ZNF620: variants seen among roughly 807,000 people sequenced by gnomAD.
The protein encoded by ZNF620 is zinc finger protein 620.
A neutral mutation model predicts 13.3 loss-of-function variants in ZNF620; 10 were observed. The ratio of observed to expected loss-of-function variants is 0.75; its 90% CI spans 0.46 to 1.28. The LOEUF (loss-of-function observed/expected upper bound fraction) is 1.28, where lower values mean the gene tolerates loss of function less well. Among genes scored for constraint, ZNF620 ranks in the 50% most tolerant of loss-of-function variants. The pLI, the probability that ZNF620 is intolerant of heterozygous loss-of-function variation, is 0.00. For missense variants in ZNF620, 461 were observed against 500.2 expected (o/e 0.92, Z 0.75); for synonymous variants, 166 against 177.6 (o/e 0.93, Z 0.52).
In ZNF620 at chr3:40,512,512, C is replaced by G; in HGVS notation, c.262C>G (p.Pro88Ala). Residue 88 changes from proline to alanine, a missense_variant, in exon 4 of 5, where the codon CCA (proline) becomes GCA (alanine). Physicochemically the swap from Pro to Ala is conservative, Grantham distance 27. Transcript: ENST00000314529. ...CAGGGAGGCTCTCAGAGGTATCTGT[C>G]CAGGTGAGCATGAGAACCCACTAGC... ...MGREALRGIC[P>A]GDEARTEKEG... 3 of 1,598,350 alleles carry G rather than the reference C, an allele frequency of 1.9e-6. No homozygotes were observed. The highest frequency in any genetic ancestry group is 1.1e-5 in the South Asian group (1 of 88,250).
intron 4 of ZNF620, among the ~76,000 whole-genome samples, chr3:40,513,316 A>AAAAAAAAATATATATAT (rs1193351404): frequency 1.6e-5 from 1 of 62,678 alleles, no homozygotes; most frequent in African/African-American, 8.6e-5. Flanking sequence ...AAAAAAAAAA[A>AAAAAAAAATATATATAT]ATATATATAT....
chr3:40,516,226 T>A lies in ZNF620; in HGVS notation c.632T>A (p.Phe211Tyr). ...AGATATTTCATTCAAATGGCAGACT[T>A]CCACCGACATGAGAAATGTCACACT... is the stretch of plus-strand genomic sequence containing the variant. ...CGRYFIQMADFHRHEKCHTGE... is the reference protein window; with the variant it reads ...CGRYFIQMADYHRHEKCHTGE... Residue 211 changes from phenylalanine (F) to tyrosine (Y), a missense_variant, in exon 5 of 5, where the codon TTC becomes TAC. By Grantham distance (22) the Phe-to-Tyr change is conservative. Coordinates refer to ENST00000314529, the MANE Select transcript of ZNF620 (RefSeq NM_175888.4). 1 of 1,614,094 alleles carries A rather than the reference T, an allele frequency of 6.2e-7. No individual in the cohort carries two copies. The highest frequency in any genetic ancestry group is 8.5e-7 in the Non-Finnish European group (1 of 1,180,048).
At position 40,513,316 on chromosome 3, in the gene ZNF620, A is replaced by AATAT. The variant is rs71618944; in HGVS notation, c.265+836_265+839dup. On this transcript the variant is annotated intron_variant, in intron 4 of 4. Transcript: ENST00000314529. ...CCCGTCTCAACTAAAAAAAAAAAAAAATATATATATATATATATATATATA... is the reference window on the plus strand; with the variant it reads ...CCCGTCTCAACTAAAAAAAAAAAAAAATATATATATATATATATATATATATATA... 3.6e-3 allele frequency among the ~76,000 whole-genome samples: 222 copies of AATAT among 62,510 alleles called. 2 individuals are homozygous for AATAT. Among genetic ancestry groups the AATAT allele is most frequent in the African/African-American group, 6.8e-3 (79 of 11,638 alleles). The allele number at this position is 62,510 out of a possible 152,430, so 41.0% of individuals were successfully genotyped here. A position where few individuals can be genotyped will look rare whatever the true frequency, so the allele number is the denominator to read the frequency against.
intron 2 of ZNF620, chr3:40,508,865 G>A (rs747548590): frequency 4.3e-5 from 19 of 446,954 alleles, no homozygotes; most frequent in Non-Finnish European, 6.3e-5. Context: ...CCATCCTCCC[G>A]CCTCCACCTC....
intron 4 of ZNF620, among the ~76,000 whole-genome samples, chr3:40,513,347 A>C (rs989486045): frequency 1.5e-5 from 2 of 136,440 alleles, no homozygotes; most frequent in Non-Finnish European, 3.1e-5. Flanking sequence ...ATATATATAT[A>C]TATATATGGC....
chr3:40,515,978 C>T lies in ZNF620; in HGVS notation c.384C>T (p.Asp128=). Residue 128 remains aspartate, a synonymous_variant, in exon 5 of 5, where the codon GAC becomes GAT. Coordinates refer to ENST00000314529, the MANE Select transcript of ZNF620 (RefSeq NM_175888.4). ...GLPGNVSQHL[D]FGSSLEQPQG... ...CAGGGAATGTTTCCCAGCACCTTGACTTTGGGAGCAGCCTAGAGCAGCCAC... is the reference window on the plus strand; with the variant it reads ...CAGGGAATGTTTCCCAGCACCTTGATTTTGGGAGCAGCCTAGAGCAGCCAC... 6.2e-7 allele frequency: 1 copy of T among 1,614,170 alleles called. No homozygotes were observed. The highest frequency in any genetic ancestry group is 8.5e-7 in the Non-Finnish European group (1 of 1,180,046).
intron 4 of ZNF620, among the ~76,000 whole-genome samples, chr3:40,512,915 T>C (rs1238527050): frequency 1.3e-5 from 2 of 152,294 alleles, no homozygotes; most frequent in African/African-American, 4.8e-5. Flanking sequence ...TGGCTGGCCA[T>C]CTGCATATCA....
chr3:40,512,297 C>T, intron 3 of ZNF620, 105 bp from the exon 4 acceptor site: 1 of 940,152 alleles, frequency 1.1e-6, no homozygotes, highest in Admixed American at 2.0e-5. Flanking sequence ...CCTGACTCAC[C>T]TTGTCTCTCA....
At position 40,516,671 on chromosome 3, in the gene ZNF620, TG is replaced by T; in HGVS notation, c.1081del (p.Glu361ArgfsTer17). ...TGACTCAGCATCAGCGAATTCACAC[TG>T]GGGAGAAGCCCTTTGAATGTAAGGA... ...ALTQHQRIHT[G>X]EKPFECKECG... On this transcript the variant is annotated frameshift_variant, in exon 5 of 5. Coordinates refer to ENST00000314529, the MANE Select transcript of ZNF620 (RefSeq NM_175888.4). LOFTEE classifies it low-confidence loss of function (END_TRUNC). 6.2e-7 allele frequency: 1 copy of T among 1,614,192 alleles called. No individual in the cohort carries two copies.
In ZNF620 at chr3:40,513,316, A is replaced by AAAATAT. The variant is rs1193351404; in HGVS notation, c.265+802_265+803insAATATA. 4.8e-3 allele frequency among the ~76,000 whole-genome samples: 303 copies of AAAATAT among 62,566 alleles called. 1 individual carries two copies. The highest frequency in any genetic ancestry group is 9.3e-3 in the Middle Eastern group (1 of 108). 41.0% of individuals were successfully genotyped at this position (62,566 alleles called of 152,430 possible). ...CCCGTCTCAACTAAAAAAAAAAAAA[A>AAAATAT]ATATATATATATATATATATATATA... On this transcript the variant is annotated intron_variant, in intron 4 of 4. Coordinates refer to ENST00000314529, the MANE Select transcript of ZNF620 (RefSeq NM_175888.4).
At chr3:40,511,328 A>C (rs1698190930) in intron 2 of ZNF620, 142 bp from the exon 3 acceptor site, 1 of 1,179,976 alleles carries the variant, frequency 8.5e-7, no homozygotes, top group African/African-American at 1.5e-5. Flanking sequence ...GGTGCGGGCA[A>C]AGATGGCTGA....
intron 1 of ZNF620, 45 bp from the exon 2 acceptor site, chr3:40,506,259 C>G: frequency 6.6e-7 from 1 of 1,518,058 alleles, no homozygotes. Context: ...TTGCGGGGTG[C>G]GAGGCAGCAT....
Position 40,516,728 on chromosome 3 carries a change from C to T in ZNF620, c.1134C>T (p.Thr378=), listed in dbSNP as rs1304673884. ...GGAAGGCATTCAATCAGAAAATAAC[C>T]CTGATTCAGCACCAGCGAGTTCACA... ...ECGKAFNQKI[T]LIQHQRVHTG... Residue 378 remains threonine, a synonymous_variant, in exon 5 of 5, where the codon ACC becomes ACT. Coordinates refer to ENST00000314529, the MANE Select transcript of ZNF620 (RefSeq NM_175888.4). The T allele has an allele frequency of 1.2e-6, 2 of 1,614,128 alleles. No homozygotes were observed. The highest frequency in any genetic ancestry group is 1.7e-6 in the Non-Finnish European group (2 of 1,180,030).
intron 3 of ZNF620, 63 bp from the exon 4 acceptor site, chr3:40,512,339 G>A (rs2125659617): frequency 7.3e-7 from 1 of 1,366,394 alleles, no homozygotes; most frequent in Non-Finnish European, 1.0e-6. Context: ...GATAAAGGGG[G>A]CTGCAAGAGG....
intron 4 of ZNF620, among the ~76,000 whole-genome samples, chr3:40,514,704 G>A (rs1225181828): frequency 6.6e-6 from 1 of 152,140 alleles, no homozygotes; most frequent in Non-Finnish European, 1.5e-5. Flanking sequence ...CCCAGGAGGT[G>A]GAGGTTGCAG....
chr3:40,509,777 C>T (rs1246628446), intron 2 of ZNF620, among the ~76,000 whole-genome samples: 1 of 152,166 alleles, frequency 6.6e-6, no homozygotes, highest in Non-Finnish European at 1.5e-5. Flanking sequence ...TCAGACTCTA[C>T]AAGGAAATAT....
chr3:40,510,626 G>T (rs1698164539), intron 2 of ZNF620, among the ~76,000 whole-genome samples: 1 of 152,074 alleles, frequency 6.6e-6, no homozygotes, highest in Non-Finnish European at 1.5e-5. Context: ...GCCCCTTTTT[G>T]TTTGCTTCCC....
intron 4 of ZNF620, 75 bp from the exon 5 acceptor site, chr3:40,515,785 T>G: frequency 1.3e-6 from 1 of 766,188 alleles, no homozygotes; most frequent in Admixed American, 3.4e-5. Flanking sequence ...AGATATTGTG[T>G]GTGTGTGTGT....
intron 2 of ZNF620, among the ~76,000 whole-genome samples, chr3:40,508,247 T>A (rs748886763): frequency 6.6e-6 from 1 of 152,194 alleles, no homozygotes; most frequent in Non-Finnish European, 1.5e-5. Flanking sequence ...TTGCTATTCT[T>A]TTTTTAGTTT....
Sources: gnomAD v4.1 joint callset for allele counts (sites outside exome capture counted in the v4.1 genomes callset) on GRCh38, gnomAD v4.1.1 for gene constraint, MANE v1.5 for transcripts, NCBI Gene and HGNC (gene_info 2026-07-23, HGNC 2026-07-21) for gene names.